OPN5: variants seen among roughly 807,000 people sequenced by gnomAD.
The protein encoded by OPN5 is opsin 5.
A neutral mutation model predicts 41.7 loss-of-function variants in OPN5; 18 were observed. The ratio of observed to expected loss-of-function variants is 0.43; its 90% confidence interval spans 0.30 to 0.64. The LOEUF (loss-of-function observed/expected upper bound fraction) is 0.64, where lower values mean the gene tolerates loss of function less well. OPN5 is among the 30% of genes least tolerant of loss of function. The probability of loss-of-function intolerance (pLI) is 0.13; values close to 1 mark genes in which losing one functional copy is unlikely to be tolerated. For synonymous variants in OPN5, 178 were observed against 164.3 expected, an observed-to-expected ratio of 1.08 and a Z score of -0.64; for missense variants, 318 against 434.5, an observed-to-expected ratio of 0.73 and a Z score of 2.38.
intron 6 of OPN5, among the ~76,000 whole-genome samples, chr6:47,822,318 A>T (rs1460220230): frequency 2.0e-5 from 3 of 152,184 alleles, no homozygotes; most frequent in Non-Finnish European, 4.4e-5. Flanking sequence ...AACATGGACA[A>T]GAGTTTGTTA....
chr6:47,788,808 G>GGGT (rs1554139128), intron 2 of OPN5, among the ~76,000 whole-genome samples: 3 of 148,176 alleles, frequency 2.0e-5, no homozygotes, highest in African/African-American at 5.0e-5. Flanking sequence ...GATAACCTGG[G>GGGT]GGGGGGCGGT....
chr6:47,798,555 T>C (rs994657452), intron 4 of OPN5, among the ~76,000 whole-genome samples: 3 of 150,934 alleles, frequency 2.0e-5, no homozygotes, highest in African/African-American at 7.3e-5. Flanking sequence ...TCTTTTAATT[T>C]ATATACTTAA....
chr6:47,791,298 TAAA>T (rs75693501), intron 2 of OPN5, among the ~76,000 whole-genome samples: 21,099 of 149,828 alleles, frequency 0.14, 1,563 homozygotes, highest in Middle Eastern at 0.16. Flanking sequence ...CTATTTCTGG[TAAA>T]AAAAAAAAAA....
exon 7 of OPN5, chr6:47,824,033 C>T (rs554678092): frequency 1.6e-5 from 24 of 1,501,006 alleles, no homozygotes; most frequent in African/African-American, 1.1e-4. Flanking sequence ...AGTGCTTACA[C>T]GGCGTCTGGC....
At chr6:47,821,263 T>C (rs1263456079) in intron 6 of OPN5, among the ~76,000 whole-genome samples, 1 of 152,204 alleles carries the variant, frequency 6.6e-6, no homozygotes. Context: ...TGTTCAAGGG[T>C]CAACTGTAGA....
intron 6 of OPN5, 131 bp downstream of exon 6, chr6:47,811,862 C>T (rs1454554239): frequency 9.4e-6 from 5 of 534,292 alleles, no homozygotes; most frequent in African/African-American, 5.8e-5. Context: ...CAGTTTTCCT[C>T]AAGCCAGGGG....
At chr6:47,786,655 T>C in intron 2 of OPN5, 21 bp downstream of exon 2, 1 of 1,611,270 alleles carries the variant, frequency 6.2e-7, no homozygotes, top group Non-Finnish European at 8.5e-7. Flanking sequence ...CATGCTGTGT[T>C]TTCTTTGTGG....
At chr6:47,806,755 A>G (rs1278938300) in intron 4 of OPN5, among the ~76,000 whole-genome samples, 7 of 152,154 alleles carry the variant, frequency 4.6e-5, no homozygotes, top group Admixed American at 2.6e-4. Context: ...ACCACAGTGA[A>G]TTGCTCACTG....
intron 2 of OPN5, among the ~76,000 whole-genome samples, chr6:47,789,838 G>A (rs932235680): frequency 6.6e-6 from 1 of 152,008 alleles, no homozygotes; most frequent in Non-Finnish European, 1.5e-5. Context: ...AAAACATTAA[G>A]GTTAGGGAAC....
intron 6 of OPN5, 143 bp from the exon 7 acceptor site, chr6:47,823,840 C>T (rs1561909603): frequency 4.3e-6 from 3 of 695,484 alleles, no homozygotes; most frequent in Non-Finnish European, 7.9e-6. Context: ...CGGGGAGAAG[C>T]CATCTCAGTG....
intron 4 of OPN5, among the ~76,000 whole-genome samples, chr6:47,802,123 A>G (rs897864858): frequency 6.6e-6 from 1 of 152,192 alleles, no homozygotes; most frequent in Non-Finnish European, 1.5e-5. Flanking sequence ...AGACGCTGAA[A>G]AGAACAGCTA....
At chr6:47,804,167 G>A (rs1277040011) in intron 4 of OPN5, among the ~76,000 whole-genome samples, 1 of 152,168 alleles carries the variant, frequency 6.6e-6, no homozygotes, top group Non-Finnish European at 1.5e-5. Flanking sequence ...TACTTAAAAT[G>A]AACTGGGTTG....
intron 4 of OPN5, among the ~76,000 whole-genome samples, chr6:47,805,364 T>A (rs139908247): frequency 4.5e-4 from 68 of 152,274 alleles, no homozygotes; most frequent in African/African-American, 1.5e-3. Context: ...CTCACTTGAT[T>A]GATTTCCTGG....
intron 4 of OPN5, among the ~76,000 whole-genome samples, chr6:47,801,842 C>A (rs1186292814): frequency 1.3e-5 from 2 of 151,840 alleles, no homozygotes; most frequent in African/African-American, 2.4e-5. Context: ...TCCCCAGGAC[C>A]TAATACAATG....
Position 47,782,210 on chromosome 6 carries a change from A to G in OPN5, c.130+14A>G. 6.2e-7 allele frequency: 1 copy of G among 1,611,858 alleles called. No individual in the cohort carries two copies. The highest frequency in any genetic ancestry group is 2.2e-5 in the East Asian group (1 of 44,848). On this transcript the variant is annotated intron_variant, in intron 1 of 6. Transcript: ENST00000371211. ...TAACAATAATTGGTAAGCTTCCTTA[A>G]TTCTTCTGTGCAAAGGCTGCATTTA...
chr6:47,786,716 C>A, intron 2 of OPN5, 82 bp downstream of exon 2: 1 of 1,203,496 alleles, frequency 8.3e-7, no homozygotes, highest in South Asian at 1.4e-5. Context: ...ACGTCACCCC[C>A]TGACATCTCT....
intron 1 of OPN5, among the ~76,000 whole-genome samples, chr6:47,785,223 C>T (rs778182212): frequency 3.3e-5 from 5 of 152,164 alleles, no homozygotes; most frequent in African/African-American, 1.2e-4. Flanking sequence ...TTTCAAGCCA[C>T]GTTTTCACAT....
exon 4 of OPN5, chr6:47,795,400 T>G (rs1581735098): frequency 1.9e-6 from 3 of 1,614,046 alleles, no homozygotes; most frequent in Non-Finnish European, 2.5e-6. Context: ...GGGGGCCAGG[T>G]TTTCATCCTG....
In OPN5 at chr6:47,806,779, C is replaced by T. The variant is rs546489; in HGVS notation, c.757-1375C>T. On this transcript the variant is annotated intron_variant, in intron 4 of 6. Coordinates refer to ENST00000371211, the Ensembl canonical transcript of OPN5. Reference sequence around the variant, plus strand: ...AATTGCTCACTGGTTCCTATACAGACCTCTCACATTCCTGTCTATGCCTTT... The same window carrying T: ...AATTGCTCACTGGTTCCTATACAGATCTCTCACATTCCTGTCTATGCCTTT... Among the ~76,000 whole-genome samples, 986 of 152,288 alleles carry T rather than the reference C, an allele frequency of 6.5e-3. 11 individuals are homozygous for T. The highest frequency in any genetic ancestry group is 0.023 in the African/African-American group (940 of 41,552).
Sources: gnomAD v4.1 joint callset for allele counts (sites outside exome capture counted in the v4.1 genomes callset) on GRCh38, gnomAD v4.1.1 for gene constraint, MANE v1.5 for transcripts, NCBI Gene and HGNC (gene_info 2026-07-23, HGNC 2026-07-21) for gene names.